The following CTNNA3 variants were observed in gnomAD, a reference collection of about 807,000 sequenced individuals.
CTNNA3 encodes catenin alpha-3.
In CTNNA3, 76 loss-of-function variants were observed where a neutral mutation model predicts 95.7. The ratio of observed to expected loss-of-function variants is 0.79; its 90% CI spans 0.66 to 0.96. The LOEUF (loss-of-function observed/expected upper bound fraction) is 0.96, where lower values mean the gene tolerates loss of function less well. Among genes scored for constraint, CTNNA3 ranks in the 40% least tolerant of loss-of-function variants. The pLI is 0.00. For missense variants in CTNNA3, 1,191 were observed against 1,089.8 expected (o/e 1.09, Z -1.31); for synonymous variants, 431 against 374.4 (o/e 1.15, Z -1.74).
intron 2 of CTNNA3, among the ~76,000 whole-genome samples, chr10:67,636,348 G>A (rs1258878201): frequency 6.6e-6 from 1 of 152,116 alleles, no homozygotes; most frequent in Non-Finnish European, 1.5e-5. Context: ...CCAAAAAACA[G>A]CTCAAATAGC....
intron 7 of CTNNA3, among the ~76,000 whole-genome samples, chr10:66,910,528 A>C (rs1351313041): frequency 3.3e-5 from 5 of 152,238 alleles, no homozygotes; most frequent in African/African-American, 9.6e-5. Flanking sequence ...TCAGAATTTT[A>C]TTCTCTAGAA....
At chr10:66,330,212 TC>T (rs755071498) in intron 12 of CTNNA3, among the ~76,000 whole-genome samples, 8 of 150,760 alleles carry the variant, frequency 5.3e-5, no homozygotes, top group African/African-American at 1.2e-4. Flanking sequence ...ATGCTATCCC[TC>T]CCCCCCTCTC....
intron 5 of CTNNA3, among the ~76,000 whole-genome samples, chr10:67,357,806 T>C (rs909145291): frequency 6.6e-6 from 1 of 151,754 alleles, no homozygotes; most frequent in Non-Finnish European, 1.5e-5. Context: ...ATACATTAAA[T>C]GAGAAAAAAA....
At chr10:67,738,548 G>A (rs1182178705) in intron 1 of CTNNA3, among the ~76,000 whole-genome samples, 5 of 152,064 alleles carry the variant, frequency 3.3e-5, no homozygotes, top group Admixed American at 1.3e-4. Context: ...TCCTCCAAAC[G>A]AACGCAGCTC....
intron 2 of CTNNA3, among the ~76,000 whole-genome samples, chr10:67,614,028 GAAC>G (rs1175461533): frequency 6.6e-6 from 1 of 152,198 alleles, no homozygotes; most frequent in African/African-American, 2.4e-5. Context: ...AAGCGTGAAA[GAAC>G]AACACTTCCA....
At chr10:66,277,379 A>G (rs1350298100) in intron 13 of CTNNA3, among the ~76,000 whole-genome samples, 2 of 152,226 alleles carry the variant, frequency 1.3e-5, no homozygotes, top group East Asian at 3.9e-4. Flanking sequence ...AGCTTGTATA[A>G]TTACACATTT....
At chr10:65,985,063 G>A in intron 16 of CTNNA3, among the ~76,000 whole-genome samples, 1 of 151,144 alleles carries the variant, frequency 6.6e-6, no homozygotes, top group Middle Eastern at 3.5e-3. Flanking sequence ...TATTAGGAAT[G>A]TTATTAAACA....
intron 5 of CTNNA3, among the ~76,000 whole-genome samples, chr10:67,515,748 T>C (rs1274529741): frequency 2.0e-5 from 3 of 152,166 alleles, no homozygotes; most frequent in Non-Finnish European, 4.4e-5. Context: ...TTAGATTAAT[T>C]ACAGAAGAAG....
At chr10:65,951,953 C>T (rs926560945) in intron 17 of CTNNA3, among the ~76,000 whole-genome samples, 2 of 147,524 alleles carry the variant, frequency 1.4e-5, no homozygotes, top group Non-Finnish European at 3.0e-5. Context: ...TGGCATGAAC[C>T]CGGGAGGCGG....
At chr10:66,419,527 T>C (rs2093174362) in intron 11 of CTNNA3, among the ~76,000 whole-genome samples, 2 of 152,018 alleles carry the variant, frequency 1.3e-5, no homozygotes, top group Non-Finnish European at 1.5e-5. Context: ...TTTCACAGAA[T>C]AGAAAAAACA....
intron 2 of CTNNA3, among the ~76,000 whole-genome samples, chr10:67,641,238 CA>C (rs1340092031): frequency 1.3e-5 from 2 of 152,120 alleles, no homozygotes; most frequent in Admixed American, 6.5e-5. Flanking sequence ...TTTATGCAGC[CA>C]AAAGACACAT....
intron 3 of CTNNA3, among the ~76,000 whole-genome samples, chr10:67,550,611 T>C (rs1840990141): frequency 1.3e-5 from 2 of 148,922 alleles, no homozygotes; most frequent in African/African-American, 5.1e-5. Context: ...ATTATTTAAA[T>C]TAAGAATTCT....
intron 1 of CTNNA3, among the ~76,000 whole-genome samples, chr10:67,668,678 A>G (rs759911221): frequency 7.9e-5 from 12 of 152,088 alleles, no homozygotes; most frequent in Non-Finnish European, 1.6e-4. Context: ...ACAGGATAAC[A>G]CAAGATCTCA....
intron 11 of CTNNA3, among the ~76,000 whole-genome samples, chr10:66,432,983 C>G (rs1471062823): frequency 6.6e-6 from 1 of 152,114 alleles, no homozygotes; most frequent in East Asian, 1.9e-4. Context: ...GCAACTCATC[C>G]TTTTTTATGG....
chr10:67,335,928 G>T (rs1841980080), intron 5 of CTNNA3, among the ~76,000 whole-genome samples: 2 of 151,652 alleles, frequency 1.3e-5, no homozygotes, highest in Non-Finnish European at 2.9e-5. Context: ...TGGCAAATCG[G>T]TGTCAACTGC....
intron 15 of CTNNA3, among the ~76,000 whole-genome samples, chr10:66,003,329 G>GGTGGTGTGTGTGTGT (rs1554828018): frequency 4.0e-5 from 6 of 149,848 alleles, no homozygotes; most frequent in African/African-American, 1.5e-4. Context: ...TGGTGGTGGT[G>GGTGGTGTGTGTGTGT]GTGTGTGTGT....
chr10:66,880,120 T>C lies in CTNNA3; in HGVS notation c.1048-104596A>G, dbSNP rs150733208. ...CAACTGCAGGTAATTGAACATGAAGTGATGAAGTCCAGGGAAGGAAAGTGA... is the reference window on the plus strand; with the variant it reads ...CAACTGCAGGTAATTGAACATGAAGCGATGAAGTCCAGGGAAGGAAAGTGA... On this transcript the variant is annotated intron_variant, in intron 7 of 17. Coordinates refer to ENST00000433211, the MANE Select transcript of CTNNA3 (RefSeq NM_013266.4). 3.4e-3 allele frequency among the ~76,000 whole-genome samples: 520 copies of C among 152,066 alleles called. 1 individual carries two copies. Among genetic ancestry groups the C allele is most frequent in the Non-Finnish European group, 5.3e-3 (358 of 67,942 alleles).
intron 3 of CTNNA3, among the ~76,000 whole-genome samples, chr10:67,579,389 T>C (rs905320159): frequency 1.3e-5 from 2 of 152,132 alleles, no homozygotes; most frequent in South Asian, 2.1e-4. Flanking sequence ...CAACCCATCC[T>C]TTTTTATGGC....
intron 15 of CTNNA3, among the ~76,000 whole-genome samples, chr10:65,993,195 T>C (rs988614947): frequency 6.6e-6 from 1 of 152,234 alleles, no homozygotes; most frequent in Non-Finnish European, 1.5e-5. Context: ...TATGTGGTTA[T>C]GGGAAAAATG....
Sources: allele counts gnomAD v4.1 joint callset (sites outside exome capture counted in the v4.1 genomes callset), GRCh38; gene constraint gnomAD v4.1.1; transcripts MANE v1.5; gene names NCBI Gene and HGNC (gene_info 2026-07-23, HGNC 2026-07-21).